LDLRAD4: variants seen among roughly 807,000 people sequenced by gnomAD.
LDLRAD4 encodes low density lipoprotein receptor class A domain containing 4, also known as low-density lipoprotein receptor class A domain-containing protein 4.
In LDLRAD4, 5 loss-of-function variants were observed where a neutral mutation model predicts 17.0. That is an observed-to-expected ratio of 0.29 (90% CI 0.15 to 0.62). The LOEUF (loss-of-function observed/expected upper bound fraction) is 0.62, where lower values mean the gene tolerates loss of function less well. LDLRAD4 is among the 20% of genes least tolerant of loss of function. LDLRAD4 has a pLI of 0.84. For missense variants in LDLRAD4, 340 were observed against 424.7 expected (o/e 0.80, Z 1.75); for synonymous variants, 168 against 171.8 (o/e 0.98, Z 0.17).
chr18:13,499,539 CCTT>C (rs2093574325), intron 3 of LDLRAD4, among the ~76,000 whole-genome samples: 2 of 149,760 alleles, frequency 1.3e-5, no homozygotes, highest in African/African-American at 4.9e-5. Flanking sequence ...ACTGGAGAAT[CCTT>C]CTCGCCACAC....
chr18:13,447,536 T>C (rs2091497034), intron 3 of LDLRAD4, among the ~76,000 whole-genome samples: 1 of 152,226 alleles, frequency 6.6e-6, no homozygotes, highest in Non-Finnish European at 1.5e-5. Context: ...TAAATTTACT[T>C]GGATAAAAAC....
rs114424980 is a variant in LDLRAD4, at chr18:13,482,251, C to T, written c.181+43867C>T. 2.6e-3 allele frequency among the ~76,000 whole-genome samples: 395 copies of T among 152,262 alleles called. 4 individuals are homozygous for T. Among genetic ancestry groups the T allele is most frequent in the South Asian group, 0.014 (66 of 4,822 alleles). On this transcript the variant is annotated intron_variant, in intron 3 of 5. Coordinates refer to ENST00000359446, the Ensembl canonical transcript of LDLRAD4. ...CCCTGGGGACGGTTGCCTCTGAACC[C>T]GCTGCCCACCTCACCCCCGACTTTC... is the stretch of plus-strand genomic sequence containing the variant.
Position 13,237,362 on chromosome 18 carries a change from C to CGA in LDLRAD4, c.-467+18374_-467+18375insGA, listed in dbSNP as rs1355440739. Reference sequence around the variant, plus strand: ...CTGTGATCTGATAGGATGTGGCTCTCTGAGGCCACCGTAGATGGTCTCTTA... The same window carrying CGA: ...CTGTGATCTGATAGGATGTGGCTCTCGATGAGGCCACCGTAGATGGTCTCTTA... On this transcript the variant is annotated intron_variant, in intron 1 of 5. Transcript: ENST00000399848. Among the ~76,000 whole-genome samples the CGA allele has an allele frequency of 2.0e-5, 3 of 152,224 alleles. No individual in the cohort carries two copies. In the East Asian group the frequency reaches 5.8e-4, roughly 29 times the overall value.
At chr18:13,385,382 C>G (rs991483104) in intron 1 of LDLRAD4, among the ~76,000 whole-genome samples, 1 of 152,120 alleles carries the variant, frequency 6.6e-6, no homozygotes, top group African/African-American at 2.4e-5. Context: ...GGATATTAGG[C>G]CCTGATCAGA....
intron 1 of LDLRAD4, among the ~76,000 whole-genome samples, chr18:13,385,128 C>G (rs2085699655): frequency 6.6e-6 from 1 of 152,196 alleles, no homozygotes; most frequent in Non-Finnish European, 1.5e-5. Context: ...CCCTTTTCTC[C>G]ACATCCTTGC....
intron 3 of LDLRAD4, among the ~76,000 whole-genome samples, chr18:13,617,283 T>C (rs1347828624): frequency 6.6e-6 from 1 of 152,194 alleles, no homozygotes; most frequent in Non-Finnish European, 1.5e-5. Context: ...AACTGAGATC[T>C]TTCTTATCCT....
chr18:13,317,580 G>A (rs776244789), intron 1 of LDLRAD4, among the ~76,000 whole-genome samples: 13 of 152,142 alleles, frequency 8.5e-5, no homozygotes, highest in South Asian at 2.1e-4. Context: ...TCTATTTTCC[G>A]TGGGTGCCAC....
chr18:13,281,888 C>T (rs1670815945), intron 1 of LDLRAD4, among the ~76,000 whole-genome samples: 1 of 152,176 alleles, frequency 6.6e-6, no homozygotes, highest in South Asian at 2.1e-4. Flanking sequence ...AGTCCGGATT[C>T]ATGCTGCTGA....
At chr18:13,413,403 G>A (rs574957096) in intron 2 of LDLRAD4, among the ~76,000 whole-genome samples, 2 of 152,246 alleles carry the variant, frequency 1.3e-5, no homozygotes, top group Middle Eastern at 3.4e-3. Flanking sequence ...GAGCTTCTGC[G>A]GAAGTTTCTA....
chr18:13,387,766 A>G lies in LDLRAD4; in HGVS notation c.40+4A>G. On this transcript the variant is annotated splice_donor_region_variant and intron_variant, in intron 2 of 5. Coordinates refer to ENST00000359446, the Ensembl canonical transcript of LDLRAD4. ...CAGGCCACAAATGCTTTCACAGGTG[A>G]GCATGCTCCAGGTAATCCGAGGCTT... is the stretch of plus-strand genomic sequence containing the variant. 1 of 1,613,404 alleles carries G rather than the reference A, an allele frequency of 6.2e-7. No individual in the cohort carries two copies. Among genetic ancestry groups the G allele is most frequent in the Non-Finnish European group, 8.5e-7 (1 of 1,179,376 alleles).
At chr18:13,544,777 C>T (rs2094335484) in intron 3 of LDLRAD4, among the ~76,000 whole-genome samples, 1 of 151,888 alleles carries the variant, frequency 6.6e-6, no homozygotes, top group Non-Finnish European at 1.5e-5. Context: ...TGATTTTGCA[C>T]AGACCAAGGA....
chr18:13,466,092 A>T (rs1459019354), intron 3 of LDLRAD4, among the ~76,000 whole-genome samples: 1 of 152,230 alleles, frequency 6.6e-6, no homozygotes, highest in Non-Finnish European at 1.5e-5. Context: ...TAATCTTTAA[A>T]ATGGTGCTCC....
intron 5 of LDLRAD4, among the ~76,000 whole-genome samples, chr18:13,644,400 C>CAAAAA (rs5823265): frequency 1.7e-5 from 1 of 58,616 alleles, no homozygotes; most frequent in East Asian, 4.0e-4. Flanking sequence ...AACCCCATCT[C>CAAAAA]AAAAAAAAAA....
intron 1 of LDLRAD4, among the ~76,000 whole-genome samples, chr18:13,356,663 G>GA (rs949243006): frequency 9.2e-5 from 14 of 152,298 alleles, no homozygotes; most frequent in African/African-American, 3.1e-4. Context: ...TCAGGAGGTA[G>GA]AAATTTGCCG....
chr18:13,324,115 A>G (rs1012192208), intron 1 of LDLRAD4, among the ~76,000 whole-genome samples: 2 of 151,346 alleles, frequency 1.3e-5, no homozygotes, highest in Non-Finnish European at 2.9e-5. Context: ...GCGTGGCTCC[A>G]TTAACCATCT....
At chr18:13,628,553 T>C (rs1176195325) in intron 4 of LDLRAD4, among the ~76,000 whole-genome samples, 1 of 152,206 alleles carries the variant, frequency 6.6e-6, no homozygotes, top group East Asian at 1.9e-4. Context: ...TTTGAAAGGT[T>C]TTGCCCTTTG....
intron 3 of LDLRAD4, among the ~76,000 whole-genome samples, chr18:13,546,683 G>T (rs771016996): frequency 1.3e-5 from 2 of 152,140 alleles, no homozygotes; most frequent in African/African-American, 4.8e-5. Context: ...TAGTCCGTGT[G>T]TGCAGGGAAC....
intron 3 of LDLRAD4, among the ~76,000 whole-genome samples, chr18:13,546,109 G>A (rs755646928): frequency 3.9e-5 from 6 of 152,166 alleles, no homozygotes; most frequent in Admixed American, 6.5e-5. Flanking sequence ...CCTGCTTGGT[G>A]GGGAGTGGGT....
At chr18:13,342,477 C>CT (rs10706515) in intron 1 of LDLRAD4, among the ~76,000 whole-genome samples, 3,456 of 38,664 alleles carry the variant, frequency 0.089, 191 homozygotes, top group Non-Finnish European at 0.12. Context: ...GCCTTCCTGT[C>CT]TTTTTTTTTT....
Sources: allele counts gnomAD v4.1 joint callset (sites outside exome capture counted in the v4.1 genomes callset), GRCh38; gene constraint gnomAD v4.1.1; transcripts MANE v1.5; gene names NCBI Gene and HGNC (gene_info 2026-07-23, HGNC 2026-07-21).